KIFBP: variants seen among roughly 807,000 people sequenced by gnomAD.
KIFBP encodes the protein KIF-binding protein.
A neutral mutation model predicts 58.9 loss-of-function variants in KIFBP; 46 were observed. The observed-to-expected ratio is 0.78, with a 90% CI of 0.62 to 1.00. KIFBP has a LOEUF of 1.00. Among genes scored for constraint, KIFBP ranks in the 50% least tolerant of loss-of-function variants. KIFBP has a pLI of 0.00. For synonymous variants in KIFBP, 241 were observed against 283.4 expected, an observed-to-expected ratio of 0.85 and a Z score of 1.50; for missense variants, 651 against 752.9, an observed-to-expected ratio of 0.86 and a Z score of 1.58.
intron 6 of KIFBP, among the ~76,000 whole-genome samples, chr10:69,012,954 GAA>G (rs1247129201): frequency 1.1e-4 from 17 of 152,016 alleles, no homozygotes; most frequent in Non-Finnish European, 5.9e-5. Context: ...GGCTTAACAG[GAA>G]GCATGACTAG....
At chr10:68,990,190 T>A (rs1843325028) in intron 1 of KIFBP, among the ~76,000 whole-genome samples, 1 of 152,170 alleles carries the variant, frequency 6.6e-6, no homozygotes, top group Non-Finnish European at 1.5e-5. Context: ...TACCTTTGAA[T>A]TCTTATAATA....
At chr10:68,990,959 T>A (rs1224579662) in intron 1 of KIFBP, among the ~76,000 whole-genome samples, 1 of 152,022 alleles carries the variant, frequency 6.6e-6, no homozygotes, top group Non-Finnish European at 1.5e-5. Context: ...GGAAGAAGAC[T>A]ATAAGCCATA....
At chr10:69,010,368 T>TA (rs1049377080) in intron 5 of KIFBP, among the ~76,000 whole-genome samples, 5 of 151,964 alleles carry the variant, frequency 3.3e-5, no homozygotes, top group East Asian at 1.9e-4. Flanking sequence ...GTTTCAAGTT[T>TA]AAAAAAAATG....
At chr10:68,996,819 C>T (rs1186086579) in intron 1 of KIFBP, among the ~76,000 whole-genome samples, 1 of 152,098 alleles carries the variant, frequency 6.6e-6, no homozygotes, top group Non-Finnish European at 1.5e-5. Context: ...TGCCACTGCA[C>T]TCCAGCCTGG....
chr10:68,990,315 A>G (rs1343415581), intron 1 of KIFBP, among the ~76,000 whole-genome samples: 1 of 152,142 alleles, frequency 6.6e-6, no homozygotes, highest in Non-Finnish European at 1.5e-5. Flanking sequence ...GGATGGCGTG[A>G]GGTCAGTAGT....
Position 69,000,386 on chromosome 10 carries a change from T to C in KIFBP, c.427-38T>C. 5 of 1,319,506 alleles carry C rather than the reference T, an allele frequency of 3.8e-6. No homozygotes were observed. The East Asian group carries it at 1.2e-4, about 30-fold the overall frequency. 81.7% of individuals were successfully genotyped at this position (1,319,506 alleles called of 1,614,324 possible). On this transcript the variant is annotated intron_variant, in intron 1 of 6. Transcript: ENST00000361983. ...TGAAAGTTACTTTAATTGGAAGTCT[T>C]ATATCATTGTTTGTTTCTCTTTTTC...
At chr10:69,000,928 C>T (rs899701470) in intron 2 of KIFBP, among the ~76,000 whole-genome samples, 1 of 152,116 alleles carries the variant, frequency 6.6e-6, no homozygotes, top group African/African-American at 2.4e-5. Context: ...AATGTTAGCA[C>T]CCATCAAAAT....
In KIFBP at chr10:68,988,952, G is replaced by A; in HGVS notation, c.120G>A (p.Arg40=). 6.2e-7 allele frequency: 1 copy of A among 1,614,224 alleles called. No individual in the cohort carries two copies. The part of the protein sequence containing the change: ...KEPYKSKYSA[R]ALLEEVKALL... ...CATACAAGTCCAAATACAGCGCCCGGGCGCTACTGGAAGAGGTCAAGGCGC... is the reference window on the plus strand; with the variant it reads ...CATACAAGTCCAAATACAGCGCCCGAGCGCTACTGGAAGAGGTCAAGGCGC... The change falls in exon 1 of 7, where the codon CGG becomes CGA. Residue 40 remains arginine, a synonymous_variant. Coordinates refer to ENST00000361983, the MANE Select transcript of KIFBP (RefSeq NM_015634.4).
intron 1 of KIFBP, among the ~76,000 whole-genome samples, chr10:68,997,157 A>C (rs546947281): frequency 6.6e-6 from 1 of 152,314 alleles, no homozygotes; most frequent in Admixed American, 6.5e-5. Flanking sequence ...GAGATTGGAT[A>C]GTTCTCTCCT....
chr10:68,996,941 C>T (rs1843413607), intron 1 of KIFBP, among the ~76,000 whole-genome samples: 2 of 151,572 alleles, frequency 1.3e-5, no homozygotes, highest in African/African-American at 2.4e-5. Context: ...AGACTTGAGT[C>T]CAGGAGTTTG....
intron 6 of KIFBP, chr10:69,011,345 T>C (rs540289267): frequency 5.2e-4 from 107 of 205,688 alleles, no homozygotes; most frequent in African/African-American, 2.3e-3. Flanking sequence ...TTGAAGACTT[T>C]TCTTTGGTTA....
rs576197549 is a variant in KIFBP, at chr10:69,005,804, G to A, written c.678G>A (p.Lys226=). 6.2e-7 allele frequency: 1 copy of A among 1,613,940 alleles called. No individual in the cohort carries two copies. Among genetic ancestry groups the A allele is most frequent in the South Asian group, 1.1e-5 (1 of 91,078 alleles). ...ACCAGCATCTGGAAATGTTTGAGAA[G>A]GCTGCTCACTATTGCCATAGTACAC... The part of the protein sequence containing the change: ...QVYQHLEMFE[K]AAHYCHSTLK... The change falls in exon 4 of 7, where the codon AAG becomes AAA. Residue 226 remains lysine, a synonymous_variant. Transcript: ENST00000361983.
chr10:68,998,863 C>T (rs1222653648), intron 1 of KIFBP, among the ~76,000 whole-genome samples: 2 of 148,048 alleles, frequency 1.4e-5, no homozygotes, highest in Non-Finnish European at 3.0e-5. Context: ...GTAACCTCCA[C>T]CTCCTGGGTT....
intron 1 of KIFBP, among the ~76,000 whole-genome samples, chr10:68,992,342 T>C (rs1843359120): frequency 6.6e-6 from 1 of 152,184 alleles, no homozygotes; most frequent in South Asian, 2.1e-4. Context: ...GTGTTTCCCA[T>C]TTGTTTGATA....
At chr10:69,003,613 C>T (rs919482149) in intron 2 of KIFBP, among the ~76,000 whole-genome samples, 2 of 152,070 alleles carry the variant, frequency 1.3e-5, no homozygotes, top group Non-Finnish European at 2.9e-5. Context: ...ATTACTTAAT[C>T]CTCATGAGAT....
chr10:68,989,221 T>C lies in KIFBP; in HGVS notation c.389T>C (p.Leu130Pro). Residue 130 changes from leucine (L) to proline (P), a missense_variant, in exon 1 of 7, where the codon CTC becomes CCC. Physicochemically the swap from Leu to Pro is moderately conservative, Grantham distance 98. Coordinates refer to ENST00000361983, the MANE Select transcript of KIFBP (RefSeq NM_015634.4). ...CTGCGGCTGCTGCGCAGGTACCGGC[T>C]CTCGCACGACTGCATCTCTCTCTGC... ...KCLRLLRRYR[L>P]SHDCISLCIQ... 6.2e-7 allele frequency: 1 copy of C among 1,613,518 alleles called. No individual in the cohort carries two copies. Among genetic ancestry groups the C allele is most frequent in the Non-Finnish European group, 8.5e-7 (1 of 1,179,946 alleles).
intron 1 of KIFBP, among the ~76,000 whole-genome samples, chr10:68,993,489 A>G (rs974048347): frequency 1.3e-5 from 2 of 152,136 alleles, no homozygotes; most frequent in African/African-American, 4.8e-5. Flanking sequence ...TATCTTTTAT[A>G]CATGATACTT....
At chr10:68,990,905 AAAT>A (rs1385798688) in intron 1 of KIFBP, among the ~76,000 whole-genome samples, 2 of 152,188 alleles carry the variant, frequency 1.3e-5, no homozygotes, top group Non-Finnish European at 2.9e-5. Flanking sequence ...CAATTATTAA[AAAT>A]AATAATTTAT....
At position 68,989,035 on chromosome 10, in the gene KIFBP, G is replaced by C; in HGVS notation, c.203G>C (p.Gly68Ala). The change falls in exon 1 of 7, where the codon GGT becomes GCT. Residue 68 changes from glycine to alanine, a missense_variant. Transcript: ENST00000361983. ...DERPEAEDGP[G>A]AGDHALGLPA... is the part of the protein sequence containing the mutation. ...CGGCCTGAGGCCGAGGACGGCCCGG[G>C]TGCCGGTGACCACGCCCTGGGGCTG... 2 of 1,613,628 alleles carry C rather than the reference G, an allele frequency of 1.2e-6. No individual in the cohort carries two copies. The highest frequency in any genetic ancestry group is 1.7e-6 in the Non-Finnish European group (2 of 1,179,700).
Sources: allele counts gnomAD v4.1 joint callset (sites outside exome capture counted in the v4.1 genomes callset), GRCh38; gene constraint gnomAD v4.1.1; transcripts MANE v1.5; gene names NCBI Gene and HGNC (gene_info 2026-07-23, HGNC 2026-07-21).